The following SMIM35 variants were observed in gnomAD, a reference collection of about 807,000 sequenced individuals.
SMIM35 encodes small integral membrane protein 35.
At chr11:118,081,725 C>T (rs1389429789) in intron 1 of SMIM35, among the ~76,000 whole-genome samples, 3 of 152,198 alleles carry the variant, frequency 2.0e-5, no homozygotes, top group African/African-American at 7.2e-5. Flanking sequence ...ATCCTGCTGT[C>T]TCAGTTTCTT....
chr11:118,020,148 C>T (rs2058215322), intron 1 of SMIM35, among the ~76,000 whole-genome samples: 1 of 152,110 alleles, frequency 6.6e-6, no homozygotes, highest in Non-Finnish European at 1.5e-5. Context: ...CAAAGGTAAT[C>T]CCAGCTACTC....
chr11:118,024,236 C>T (rs1057047533), intron 1 of SMIM35, among the ~76,000 whole-genome samples: 1 of 152,084 alleles, frequency 6.6e-6, no homozygotes, highest in African/African-American at 2.4e-5. Context: ...AATTCTGGTG[C>T]CCATGGTTGA....
intron 4 of SMIM35, among the ~76,000 whole-genome samples, chr11:118,013,040 T>C (rs939566969): frequency 6.6e-6 from 1 of 152,148 alleles, no homozygotes; most frequent in African/African-American, 2.4e-5. Flanking sequence ...TGAGGAATGG[T>C]GGCCTCTTTT....
intron 1 of SMIM35, among the ~76,000 whole-genome samples, chr11:118,045,731 T>C (rs114334053): frequency 0.012 from 1,859 of 152,306 alleles, 30 homozygotes; most frequent in African/African-American, 0.043. Context: ...TTACCTTCAC[T>C]CTCTCTCTGA....
rs1416795642 is a variant in SMIM35, at chr11:118,077,249, G to T, written c.7+9502C>A. 1.9e-6 allele frequency: 3 copies of T among 1,585,078 alleles called. No individual in the cohort carries two copies. In the Admixed American group the frequency reaches 5.4e-5, roughly 28 times the overall value. On this transcript the variant is annotated intron_variant, in intron 1 of 4. Coordinates refer to ENST00000689828, the MANE Select transcript of SMIM35 (RefSeq NM_001394165.1). ...TGGGGAGGCCCTCCTGCTGCCTTGG[G>T]GTGACAATCTCAGCTCCAGGCTACA...
At chr11:118,022,802 G>A (rs1316319976) in intron 1 of SMIM35, among the ~76,000 whole-genome samples, 1 of 152,004 alleles carries the variant, frequency 6.6e-6, no homozygotes, top group Admixed American at 6.5e-5. Context: ...GCTAGAAGCA[G>A]GGCCTATTCC....
intron 1 of SMIM35, among the ~76,000 whole-genome samples, chr11:118,040,044 CAAAAAAA>C (rs35273108): frequency 2.0e-5 from 2 of 102,232 alleles, no homozygotes; most frequent in African/African-American, 4.0e-5. Flanking sequence ...GACCTTATCT[CAAAAAAA>C]AAAAAAAAAA....
chr11:118,019,499 G>A (rs2058208523), intron 1 of SMIM35, among the ~76,000 whole-genome samples: 1 of 152,142 alleles, frequency 6.6e-6, no homozygotes, highest in South Asian at 2.1e-4. Flanking sequence ...AAGGGAGCTG[G>A]ACAGAGACAA....
At chr11:118,057,866 C>A (rs1944339080) in intron 1 of SMIM35, among the ~76,000 whole-genome samples, 1 of 152,190 alleles carries the variant, frequency 6.6e-6, no homozygotes, top group Non-Finnish European at 1.5e-5. Context: ...CAGCGCAGGA[C>A]TGGAGGATGA....
At chr11:118,047,870 C>G (rs1032100031) in intron 1 of SMIM35, among the ~76,000 whole-genome samples, 1 of 152,168 alleles carries the variant, frequency 6.6e-6, no homozygotes, top group East Asian at 1.9e-4. Flanking sequence ...AGTGCCTAAG[C>G]TTTGCTAGGC....
chr11:118,047,683 T>C (rs1944122670), intron 1 of SMIM35, among the ~76,000 whole-genome samples: 1 of 152,188 alleles, frequency 6.6e-6, no homozygotes, highest in African/African-American at 2.4e-5. Context: ...AGAAGCCCCA[T>C]GGACAGAGAA....
chr11:118,069,443 G>A (rs1944536743), intron 1 of SMIM35, among the ~76,000 whole-genome samples: 1 of 152,092 alleles, frequency 6.6e-6, no homozygotes, highest in African/African-American at 2.4e-5. Context: ...CTCTGTGGCA[G>A]GAGTTATGTT....
intron 1 of SMIM35, among the ~76,000 whole-genome samples, chr11:118,052,776 C>T (rs988218123): frequency 6.6e-6 from 1 of 152,048 alleles, no homozygotes; most frequent in Non-Finnish European, 1.5e-5. Flanking sequence ...CAGCCTGGGG[C>T]ACTCCTGCTC....
At chr11:118,021,053 T>TTTTTTTGTTGTTTTTG (rs202082772) in intron 1 of SMIM35, among the ~76,000 whole-genome samples, 83 of 150,174 alleles carry the variant, frequency 5.5e-4, no homozygotes, top group Non-Finnish European at 1.0e-3. Context: ...TAAGGTTTTT[T>TTTTTTTGTTGTTTTTG]TTTTTACTAT....
chr11:118,031,637 AT>A (rs1319074582), intron 1 of SMIM35, among the ~76,000 whole-genome samples: 1 of 152,182 alleles, frequency 6.6e-6, no homozygotes, highest in Non-Finnish European at 1.5e-5. Flanking sequence ...ACATTAATTA[AT>A]TAATTAATTA....
intron 1 of SMIM35, among the ~76,000 whole-genome samples, chr11:118,052,405 T>C (rs910231973): frequency 1.3e-5 from 2 of 152,078 alleles, no homozygotes; most frequent in African/African-American, 2.4e-5. Flanking sequence ...TTGTGGAAGA[T>C]GTGTCTCCCA....
chr11:118,042,396 C>T (rs963782809), intron 1 of SMIM35, among the ~76,000 whole-genome samples: 5 of 151,990 alleles, frequency 3.3e-5, no homozygotes, highest in African/African-American at 9.7e-5. Context: ...ACACAAACCA[C>T]CAAAACTGAC....
intron 1 of SMIM35, among the ~76,000 whole-genome samples, chr11:118,082,417 C>A (rs113137102): frequency 0.016 from 2,384 of 152,104 alleles, 30 homozygotes; most frequent in Middle Eastern, 0.031. Context: ...AAACATTAGC[C>A]GAGCGCAGTA....
chr11:118,067,847 A>G (rs1157418427), intron 1 of SMIM35, among the ~76,000 whole-genome samples: 3 of 124,866 alleles, frequency 2.4e-5, no homozygotes, highest in African/African-American at 9.1e-5. Context: ...AACAACCACA[A>G]AACAACAACA....
Sources: allele counts gnomAD v4.1 joint callset (sites outside exome capture counted in the v4.1 genomes callset), GRCh38; gene constraint gnomAD v4.1.1; transcripts MANE v1.5; gene names NCBI Gene and HGNC (gene_info 2026-07-23, HGNC 2026-07-21).